INO80: variants seen among roughly 807,000 people sequenced by gnomAD.
INO80 encodes the protein INO80 complex ATPase subunit, also known as chromatin-remodeling ATPase INO80.
INO80 carries 20 observed loss-of-function variants against 203.4 expected under a neutral mutation model. The observed-to-expected ratio is 0.10, with a 90% CI of 0.07 to 0.14. INO80 has a LOEUF of 0.14. Ranked by LOEUF, INO80 falls within the 10% of genes least tolerant of loss-of-function variation. INO80 has a pLI of 1.00. For missense variants in INO80, 1,419 were observed against 1,914.4 expected, an observed-to-expected ratio of 0.74 and a Z score of 4.83; for synonymous variants, 726 against 685.2, an observed-to-expected ratio of 1.06 and a Z score of -0.93.
intron 13 of INO80, among the ~76,000 whole-genome samples, chr15:41,070,099 C>T (rs2045287125): frequency 6.6e-6 from 1 of 152,146 alleles, no homozygotes. Flanking sequence ...GAAGAGGAAA[C>T]TAAGCCTCAG....
In INO80 at chr15:41,045,011, C is replaced by G; in HGVS notation, c.2800G>C (p.Ala934Pro). The change falls in exon 24 of 36, where the codon GCG (alanine) becomes CCG (proline). Residue 934 changes from alanine to proline, a missense_variant. Ala to Pro is a conservative substitution (Grantham distance 27). Transcript: ENST00000648947. Reference protein sequence around the residue: ...YRLHQLRSWGAPEGESHQRYL... With the variant: ...YRLHQLRSWGPPEGESHQRYL... ...CTCTGGTGGCTCTCCCCTTCTGGCG[C>G]TCCCCAGGAGCGTAGCTGATGGAGC... The G allele has an allele frequency of 6.2e-7, 1 of 1,613,934 alleles. No homozygotes were observed. Among genetic ancestry groups the G allele is most frequent in the Non-Finnish European group, 8.5e-7 (1 of 1,179,944 alleles).
intron 24 of INO80, 173 bp from the exon 25 acceptor site, chr15:41,027,909 C>A: frequency 2.4e-6 from 1 of 422,578 alleles, no homozygotes; most frequent in Non-Finnish European, 4.2e-6. Flanking sequence ...CAGTTGAAGC[C>A]CATGTTAATT....
intron 24 of INO80, among the ~76,000 whole-genome samples, chr15:41,028,207 C>T (rs569278101): frequency 6.6e-6 from 1 of 152,174 alleles, no homozygotes; most frequent in East Asian, 1.9e-4. Flanking sequence ...ATGACCTCAG[C>T]TCACTGCAAC....
chr15:41,027,763 C>A, intron 24 of INO80, 27 bp from the exon 25 acceptor site: 3 of 1,543,584 alleles, frequency 1.9e-6, no homozygotes, highest in Middle Eastern at 1.8e-4. Flanking sequence ...CAAATGAATG[C>A]CAACTATAAT....
chr15:41,085,948 C>T (rs1199565681), intron 6 of INO80, among the ~76,000 whole-genome samples: 1 of 152,124 alleles, frequency 6.6e-6, no homozygotes, highest in Non-Finnish European at 1.5e-5. Context: ...CAACCTCCAC[C>T]TCCCAGGTTC....
intron 34 of INO80, chr15:40,983,364 A>T: frequency 2.2e-6 from 1 of 453,520 alleles, no homozygotes; most frequent in East Asian, 4.4e-5. Flanking sequence ...TACAAAGGGA[A>T]GCGACTTGCT....
intron 27 of INO80, among the ~76,000 whole-genome samples, chr15:41,005,975 A>AG (rs1402196339): frequency 6.6e-6 from 1 of 151,582 alleles, no homozygotes; most frequent in Non-Finnish European, 1.5e-5. Context: ...AAAAAAAAAA[A>AG]AAAATTCCAC....
chr15:41,053,947 T>C lies in INO80; in HGVS notation c.2256A>G (p.Glu752=). 6.2e-7 allele frequency: 1 copy of C among 1,613,738 alleles called. No homozygotes were observed. The highest frequency in any genetic ancestry group is 8.5e-7 in the Non-Finnish European group (1 of 1,179,752). ...TACTTACCTTGTCAGATAATTCATT[T>C]TCCACATCTTTCTTGATTCTCCTCA... is the stretch of plus-strand genomic sequence containing the variant. ...FMLRRIKKDV[E]NELSDKIEIL... is the part of the protein sequence containing the mutation. Residue 752 remains glutamate (E), a synonymous_variant, in exon 19 of 36, where the codon GAA becomes GAG. Coordinates refer to ENST00000648947, the MANE Select transcript of INO80 (RefSeq NM_017553.3).
At chr15:41,064,506 T>A (rs960575568) in intron 14 of INO80, among the ~76,000 whole-genome samples, 1 of 152,148 alleles carries the variant, frequency 6.6e-6, no homozygotes, top group Non-Finnish European at 1.5e-5. Flanking sequence ...AGAAATACAC[T>A]TTTAAATAAA....
At chr15:40,991,980 G>C (rs1331538462) in intron 29 of INO80, among the ~76,000 whole-genome samples, 2 of 152,170 alleles carry the variant, frequency 1.3e-5, no homozygotes, top group African/African-American at 4.8e-5. Flanking sequence ...GTTTCACTGT[G>C]TTAGCCAGGA....
intron 32 of INO80, 46 bp downstream of exon 32, chr15:40,985,292 C>T (rs1235206831): frequency 2.1e-6 from 3 of 1,411,506 alleles, no homozygotes; most frequent in African/African-American, 2.8e-5. Context: ...TTGGTAAGTA[C>T]CCCAGGCCCC....
At chr15:41,072,290 G>A (rs573282125) in intron 11 of INO80, among the ~76,000 whole-genome samples, 6 of 151,882 alleles carry the variant, frequency 4.0e-5, no homozygotes, top group African/African-American at 4.8e-5. Flanking sequence ...GGTCACATTC[G>A]TCTATCTTTG....
intron 1 of INO80, among the ~76,000 whole-genome samples, chr15:41,103,954 G>C (rs1045054102): frequency 9.9e-5 from 15 of 151,734 alleles, no homozygotes; most frequent in African/African-American, 3.4e-4. Context: ...AGTGGCTCAC[G>C]CCTGTAATCC....
chr15:41,098,097 G>A (rs1168521797), intron 1 of INO80, among the ~76,000 whole-genome samples: 1 of 152,150 alleles, frequency 6.6e-6, no homozygotes, highest in East Asian at 1.9e-4. Context: ...TGATCCGCCT[G>A]TCTCAGCCTC....
intron 34 of INO80, chr15:40,983,299 T>G: frequency 3.7e-6 from 2 of 547,610 alleles, no homozygotes; most frequent in East Asian, 6.3e-5. Flanking sequence ...CAAGCTGCTT[T>G]TCATTCTGAA....
intron 24 of INO80, among the ~76,000 whole-genome samples, chr15:41,029,895 G>A (rs1317066635): frequency 6.6e-6 from 1 of 152,212 alleles, no homozygotes; most frequent in Admixed American, 6.5e-5. Flanking sequence ...GAGGAGAGAT[G>A]ACAAGTCTAG....
intron 24 of INO80, among the ~76,000 whole-genome samples, chr15:41,031,998 G>GACAGCACAGC (rs1414668191): frequency 3.7e-5 from 2 of 53,864 alleles, no homozygotes; most frequent in African/African-American, 5.1e-5. Context: ...CACAGCACAG[G>GACAGCACAGC]ACAGCACAGC....
At position 41,050,092 on chromosome 15, in the gene INO80, A is replaced by G. The variant is rs750228883; in HGVS notation, c.2285T>C (p.Leu762Pro). Residue 762 changes from leucine to proline, a missense_variant, in exon 20 of 36, where the codon CTA becomes CCA. By Grantham distance (98) the Leu-to-Pro change is moderately conservative. This residue lies in a region of INO80 where 192 missense variants were observed against 406.7 expected (regional missense o/e 0.47). Coordinates refer to ENST00000648947, the MANE Select transcript of INO80 (RefSeq NM_017553.3). ...TCGGCTGGTCAGTTGGCAATACATT[A>G]GAATCTCAATCTAAAAATCAATAAG... ...ENELSDKIEI[L>P]MYCQLTSRQK... 1 of 1,602,724 alleles carries G rather than the reference A, an allele frequency of 6.2e-7. No homozygotes were observed. Among genetic ancestry groups the G allele is most frequent in the South Asian group, 1.1e-5 (1 of 89,940 alleles).
At chr15:41,053,395 G>A (rs902608540) in intron 19 of INO80, among the ~76,000 whole-genome samples, 6 of 152,054 alleles carry the variant, frequency 3.9e-5, no homozygotes, top group Admixed American at 1.3e-4. Flanking sequence ...ATGAGCCACC[G>A]TGCCCGGCTA....
Sources: gnomAD v4.1 joint callset for allele counts (sites outside exome capture counted in the v4.1 genomes callset) on GRCh38, gnomAD v4.1.1 for gene constraint, gnomAD v4.1.1 regional missense constraint, MANE v1.5 for transcripts, NCBI Gene and HGNC (gene_info 2026-07-23, HGNC 2026-07-21) for gene names.